The following IMMP2L variants were observed in gnomAD, a reference collection of about 807,000 sequenced individuals.
IMMP2L encodes the protein inner mitochondrial membrane peptidase subunit 2.
IMMP2L carries 18 observed loss-of-function variants against 19.3 expected under a neutral mutation model. That is an observed-to-expected ratio of 0.93 (90% CI 0.64 to 1.38). The LOEUF is 1.38. IMMP2L is among the 40% of genes most tolerant of loss of function. The pLI is 0.00. For synonymous variants in IMMP2L, 76 were observed against 73.0 expected (o/e 1.04, Z -0.21); for missense variants, 233 against 218.2 (o/e 1.07, Z -0.43).
chr7:111,254,122 G>A (rs1432491693), intron 3 of IMMP2L, among the ~76,000 whole-genome samples: 3 of 152,008 alleles, frequency 2.0e-5, no homozygotes, highest in Admixed American at 6.6e-5. Flanking sequence ...AAACACCCTC[G>A]CTGAATGAGA....
At chr7:110,825,501 G>A (rs1007260559) in intron 5 of IMMP2L, among the ~76,000 whole-genome samples, 2 of 151,996 alleles carry the variant, frequency 1.3e-5, no homozygotes, top group African/African-American at 4.8e-5. Context: ...ATAGATCAGT[G>A]GAATAGAACA....
At chr7:111,489,114 G>A (rs1362455785) in intron 2 of IMMP2L, among the ~76,000 whole-genome samples, 3 of 131,534 alleles carry the variant, frequency 2.3e-5, no homozygotes, top group South Asian at 2.5e-4. Context: ...CATCATCTCC[G>A]CTCACTGCAA....
intron 3 of IMMP2L, among the ~76,000 whole-genome samples, chr7:111,386,414 A>T (rs1392559179): frequency 6.6e-6 from 1 of 152,108 alleles, no homozygotes; most frequent in Non-Finnish European, 1.5e-5. Context: ...GTGTGACTAT[A>T]CAAATACATA....
chr7:110,783,489 C>T (rs1799876071), intron 5 of IMMP2L, among the ~76,000 whole-genome samples: 1 of 151,704 alleles, frequency 6.6e-6, no homozygotes, highest in Non-Finnish European at 1.5e-5. Flanking sequence ...CAAATGTTCA[C>T]ATGTTGAAAT....
intron 3 of IMMP2L, among the ~76,000 whole-genome samples, chr7:111,392,242 G>T (rs1223140089): frequency 6.6e-6 from 1 of 152,050 alleles, no homozygotes; most frequent in Non-Finnish European, 1.5e-5. Context: ...AACTGGACCA[G>T]TCAAGTCTCT....
chr7:111,093,254 C>T (rs936163800), intron 3 of IMMP2L, among the ~76,000 whole-genome samples: 4 of 152,090 alleles, frequency 2.6e-5, no homozygotes, highest in African/African-American at 7.2e-5. Flanking sequence ...CAGCTTTGCT[C>T]GCTCTGCCTC....
chr7:110,754,866 C>T (rs1190849401), intron 5 of IMMP2L, among the ~76,000 whole-genome samples: 1 of 151,778 alleles, frequency 6.6e-6, no homozygotes, highest in Non-Finnish European at 1.5e-5. Flanking sequence ...ACGTGGCCCT[C>T]GGAGAACCAG....
chr7:110,741,327 T>A (rs1007997868), intron 5 of IMMP2L, among the ~76,000 whole-genome samples: 1 of 152,156 alleles, frequency 6.6e-6, no homozygotes, highest in Non-Finnish European at 1.5e-5. Flanking sequence ...TACAAATAAA[T>A]TGATGAATAA....
chr7:111,557,937 CGTACAGACATCTTTA>C (rs1241984770), intron 1 of IMMP2L, among the ~76,000 whole-genome samples: 7 of 151,622 alleles, frequency 4.6e-5, no homozygotes, highest in Non-Finnish European at 1.0e-4. Flanking sequence ...ATCTTAAGAA[CGTACAGACATCTTTA>C]GTACAGACAT....
chr7:111,501,660 G>A (rs2132445938), intron 2 of IMMP2L, among the ~76,000 whole-genome samples: 1 of 152,244 alleles, frequency 6.6e-6, no homozygotes, highest in South Asian at 2.1e-4. Flanking sequence ...GAGAGTGGGG[G>A]CCAATATTCA....
At chr7:110,666,184 C>T (rs1046239358) in intron 5 of IMMP2L, among the ~76,000 whole-genome samples, 2 of 152,168 alleles carry the variant, frequency 1.3e-5, no homozygotes, top group Non-Finnish European at 2.9e-5. Context: ...CTTTTTGGCA[C>T]TATTAGTTGT....
chr7:111,212,627 A>G (rs1382942738), intron 3 of IMMP2L, among the ~76,000 whole-genome samples: 3 of 152,062 alleles, frequency 2.0e-5, no homozygotes, highest in African/African-American at 7.2e-5. Flanking sequence ...CCCAAAAAAA[A>G]GGGGGGGTGG....
intron 5 of IMMP2L, among the ~76,000 whole-genome samples, chr7:110,804,823 A>G (rs968609570): frequency 1.3e-5 from 2 of 152,106 alleles, no homozygotes; most frequent in African/African-American, 4.8e-5. Context: ...AAAAACATGT[A>G]AGGAACTTGT....
chr7:111,018,830 TTA>T lies in IMMP2L; in HGVS notation c.240-55267_240-55266del, dbSNP rs1488299080. Among the ~76,000 whole-genome samples, 3 of 121,064 alleles carry T rather than the reference TTA, an allele frequency of 2.5e-5. No homozygotes were observed. In the Admixed American group the frequency reaches 2.6e-4, roughly 11 times the overall value. 79.4% of individuals were successfully genotyped at this position (121,064 alleles called of 152,430 possible). A position where few individuals can be genotyped will look rare whatever the true frequency, so the allele number is the denominator to read the frequency against. On this transcript the variant is annotated intron_variant, in intron 3 of 5. Transcript: ENST00000405709. ...ATTATTATTATTATTATTATTATTA[TTA>T]TTATTACAAGCATCAGTATTTTTTA...
intron 3 of IMMP2L, among the ~76,000 whole-genome samples, chr7:111,181,026 CATT>C (rs1443911451): frequency 1.3e-5 from 2 of 151,772 alleles, no homozygotes; most frequent in Non-Finnish European, 2.9e-5. Context: ...TTTACTATAC[CATT>C]ATTACTATGT....
intron 3 of IMMP2L, among the ~76,000 whole-genome samples, chr7:111,138,637 A>G (rs920264186): frequency 6.6e-6 from 1 of 152,250 alleles, no homozygotes; most frequent in African/African-American, 2.4e-5. Context: ...AATGGCTCAC[A>G]ATAAATCAAA....
At chr7:111,357,787 T>TTA (rs140816131) in intron 3 of IMMP2L, among the ~76,000 whole-genome samples, 19 of 151,576 alleles carry the variant, frequency 1.3e-4, no homozygotes, top group South Asian at 4.2e-4. Context: ...CATGAAGAAA[T>TTA]TATATATATA....
At position 111,521,300 on chromosome 7, in the gene IMMP2L, A is replaced by G; in HGVS notation, c.135+13T>C. The stretch of plus-strand genomic sequence containing the variant: ...AGTATGTGCTTTAAAGAACGAAGTT[A>G]TATCATTTTCACCTGCATCGATGCT... On this transcript the variant is annotated intron_variant, in intron 2 of 5. Coordinates refer to ENST00000405709, the MANE Select transcript of IMMP2L (RefSeq NM_032549.4). 2 of 1,607,444 alleles carry G rather than the reference A, an allele frequency of 1.2e-6. No individual in the cohort carries two copies. Among genetic ancestry groups the G allele is most frequent in the Non-Finnish European group, 8.5e-7 (1 of 1,177,070 alleles).
intron 3 of IMMP2L, among the ~76,000 whole-genome samples, chr7:111,478,155 T>C (rs1043873333): frequency 6.6e-6 from 1 of 152,148 alleles, no homozygotes; most frequent in Admixed American, 6.5e-5. Flanking sequence ...ACACTATTGA[T>C]TGTGTGTTCC....
Sources: gnomAD v4.1 joint callset for allele counts (sites outside exome capture counted in the v4.1 genomes callset) on GRCh38, gnomAD v4.1.1 for gene constraint, MANE v1.5 for transcripts, NCBI Gene and HGNC (gene_info 2026-07-23, HGNC 2026-07-21) for gene names.